FGF9: variants seen among roughly 807,000 people sequenced by gnomAD.
FGF9 encodes the protein fibroblast growth factor 9 (glia-activating factor).
In FGF9, 3 loss-of-function variants were observed where a neutral mutation model predicts 19.9. That is an observed-to-expected ratio of 0.15 (90% CI 0.07 to 0.39). The LOEUF (loss-of-function observed/expected upper bound fraction) is 0.39, where lower values mean the gene tolerates loss of function less well. Ranked by LOEUF, FGF9 falls within the 10% of genes least tolerant of loss-of-function variation. The pLI is 1.00. For synonymous variants in FGF9, 107 were observed against 106.9 expected (o/e 1.00, Z -0.01); for missense variants, 175 against 256.8 (o/e 0.68, Z 2.18).
chr13:21,693,386 G>T (rs1211393026), intron 2 of FGF9, among the ~76,000 whole-genome samples: 1 of 152,062 alleles, frequency 6.6e-6, no homozygotes, highest in African/African-American at 2.4e-5. Context: ...GGACATGGGG[G>T]TGCTGAGGGG....
intron 2 of FGF9, among the ~76,000 whole-genome samples, chr13:21,687,700 T>A (rs959236290): frequency 6.6e-6 from 1 of 152,208 alleles, no homozygotes; most frequent in Non-Finnish European, 1.5e-5. Flanking sequence ...TCTCATCTGA[T>A]CTTCACTTAT....
At chr13:21,679,714 C>T (rs1030740364) in intron 1 of FGF9, among the ~76,000 whole-genome samples, 18 of 147,402 alleles carry the variant, frequency 1.2e-4, no homozygotes, top group African/African-American at 4.0e-4. Context: ...CGAGGCGGGT[C>T]GATCACGAGG....
intron 2 of FGF9, among the ~76,000 whole-genome samples, chr13:21,681,425 T>C (rs1409001569): frequency 6.6e-6 from 1 of 152,218 alleles, no homozygotes; most frequent in Non-Finnish European, 1.5e-5. Context: ...ATCCCATCTC[T>C]TTGTATTGAA....
intron 1 of FGF9, among the ~76,000 whole-genome samples, chr13:21,675,145 C>A (rs567181041): frequency 0.019 from 2,946 of 151,676 alleles, 34 homozygotes; most frequent in Non-Finnish European, 0.028. Context: ...GGCCTGGCGT[C>A]GGCCGAGGGG....
In FGF9 at chr13:21,691,101, G is replaced by T. The variant is rs942257065; in HGVS notation, c.381+9956G>T. On this transcript the variant is annotated intron_variant, in intron 2 of 2. Coordinates refer to ENST00000382353, the MANE Select transcript of FGF9 (RefSeq NM_002010.3). This position sits in a 1 kb window ranked among gnomAD's most constrained non-coding sequence, Gnocchi z 4.2. ...ACCCTGTATTTCCCCCGGGAGCAAT[G>T]GTTCAGTATTCTAGGAGACTTTATA... 6.6e-6 allele frequency among the ~76,000 whole-genome samples: 1 copy of T among 152,146 alleles called. No individual in the cohort carries two copies. The highest frequency in any genetic ancestry group is 1.5e-5 in the Non-Finnish European group (1 of 68,026).
chr13:21,678,795 A>G (rs1871972932), intron 1 of FGF9, among the ~76,000 whole-genome samples: 1 of 152,224 alleles, frequency 6.6e-6, no homozygotes, highest in African/African-American at 2.4e-5. Flanking sequence ...TCAGACCTCA[A>G]AAGGGGCCAA....
chr13:21,690,552 T>C (rs1398102147), intron 2 of FGF9, among the ~76,000 whole-genome samples: 3 of 152,210 alleles, frequency 2.0e-5, no homozygotes, highest in African/African-American at 7.2e-5. Context: ...CTGGGTGCTT[T>C]GTAGGTGCTG....
rs1872569252 is a variant in FGF9, at chr13:21,702,298, A to G, written c.*863A>G. The G allele has an allele frequency of 6.6e-6, 1 of 152,232 alleles. No homozygotes were observed. The highest frequency in any genetic ancestry group is 6.5e-5 in the Admixed American group (1 of 15,286). The allele number at this position is 152,232 out of a possible 1,614,324, so 9.4% of individuals were successfully genotyped here. On this transcript the variant is annotated 3_prime_UTR_variant, in exon 3 of 3. Coordinates refer to ENST00000382353, the MANE Select transcript of FGF9 (RefSeq NM_002010.3). ...CCCATATTATTGTAAACTTATGCAC[A>G]TCGCTCATGACACTGAGTATTCACT...
intron 2 of FGF9, among the ~76,000 whole-genome samples, chr13:21,696,505 C>T (rs1849370110): frequency 1.3e-5 from 2 of 151,302 alleles, no homozygotes; most frequent in South Asian, 4.2e-4. Context: ...AAGAATTGAT[C>T]ACTTTATAGT....
At chr13:21,692,737 A>T (rs951335029) in intron 2 of FGF9, among the ~76,000 whole-genome samples, 1 of 152,216 alleles carries the variant, frequency 6.6e-6, no homozygotes, top group Non-Finnish European at 1.5e-5. Context: ...ACGCACTGAC[A>T]CTGTGTTTCT....
rs773003683 is a variant in FGF9, at chr13:21,681,134, C to A, written c.370C>A (p.Leu124Met). Residue 124 changes from leucine to methionine, a missense_variant, in exon 2 of 3, where the codon CTG (leucine) becomes ATG (methionine). Leu to Met is a conservative substitution (Grantham distance 15). This residue lies in a region of FGF9 where 101 missense variants were observed against 160.7 expected (regional missense o/e 0.63). Transcript: ENST00000382353. ...CCTCGGGATGAATGAGAAGGGGGAG[C>A]TGTATGGATCAGTAAGTACTGGAGG... Reference protein sequence around the residue: ...LYLGMNEKGELYGSEKLTQEC... With the variant: ...LYLGMNEKGEMYGSEKLTQEC... 2 of 1,610,526 alleles carry A rather than the reference C, an allele frequency of 1.2e-6. No individual in the cohort carries two copies. The highest frequency in any genetic ancestry group is 4.5e-5 in the East Asian group (2 of 44,884).
intron 2 of FGF9, among the ~76,000 whole-genome samples, chr13:21,698,841 T>C (rs1265483499): frequency 6.6e-6 from 1 of 152,226 alleles, no homozygotes; most frequent in Non-Finnish European, 1.5e-5. Flanking sequence ...TCTTGTCCCT[T>C]GTAGAACTAA....
In FGF9 at chr13:21,702,115, A is replaced by G. The variant is rs1354468336; in HGVS notation, c.*680A>G. Reference sequence around the variant, plus strand: ...AGTTTATTTTTAATGAAACATGTACAGGCCAGATAGGCATTTTGGAAGCTT... The same window carrying G: ...AGTTTATTTTTAATGAAACATGTACGGGCCAGATAGGCATTTTGGAAGCTT... On this transcript the variant is annotated 3_prime_UTR_variant, in exon 3 of 3. Transcript: ENST00000382353. The G allele has an allele frequency of 6.6e-6, 1 of 152,082 alleles. No individual in the cohort carries two copies. Among genetic ancestry groups the G allele is most frequent in the Non-Finnish European group, 1.5e-5 (1 of 68,018 alleles). 9.4% of individuals were successfully genotyped at this position (152,082 alleles called of 1,614,324 possible).
chr13:21,689,410 G>A (rs989132078), intron 2 of FGF9, among the ~76,000 whole-genome samples: 4 of 151,792 alleles, frequency 2.6e-5, no homozygotes, highest in Non-Finnish European at 1.5e-5. Flanking sequence ...AATGAATGTT[G>A]AACGAATGAA....
chr13:21,695,988 C>T lies in FGF9; in HGVS notation c.382-5202C>T, dbSNP rs112087187. 4.7e-3 allele frequency among the ~76,000 whole-genome samples: 719 copies of T among 152,270 alleles called. 3 individuals are homozygous for T. Among genetic ancestry groups the T allele is most frequent in the African/African-American group, 0.016 (678 of 41,538 alleles). On this transcript the variant is annotated intron_variant, in intron 2 of 2. Transcript: ENST00000382353. ...ATTATGTTTTAAAATAACAGCATGG[C>T]GTAAGTCTATACGTTTTCAATAACT...
chr13:21,673,656 C>T lies in FGF9; in HGVS notation c.277+1467C>T, dbSNP rs146953940. ...ATCTGGCCTCTTTAAGGGCTGCCAC[C>T]CTGCCTAGCGTTCGATACCAGAACA... On this transcript the variant is annotated intron_variant, in intron 1 of 2. Transcript: ENST00000382353. Among the ~76,000 whole-genome samples the T allele has an allele frequency of 2.7e-3, 414 of 152,244 alleles. 1 individual carries two copies. The highest frequency in any genetic ancestry group is 0.01 in the Middle Eastern group (3 of 294).
rs1261706319 is a variant in FGF9 at position 21,703,541 on chromosome 13, A to G, written c.*2106A>G. The G allele has an allele frequency of 5.3e-5, 8 of 152,220 alleles. No homozygotes were observed. The highest frequency in any genetic ancestry group is 1.9e-4 in the African/African-American group (8 of 41,458). The allele number at this position is 152,220 out of a possible 1,614,324, so 9.4% of individuals were successfully genotyped here. A position where few individuals can be genotyped will look rare whatever the true frequency, so the allele number is the denominator to read the frequency against. On this transcript the variant is annotated 3_prime_UTR_variant, in exon 3 of 3. Coordinates refer to ENST00000382353, the MANE Select transcript of FGF9 (RefSeq NM_002010.3). ...ATTTTCCTTTCTAAACAGAAACTGC[A>G]TTTAATTCCAAAAAGTAGTATTCTT...
At chr13:21,689,746 T>A (rs557463059) in intron 2 of FGF9, among the ~76,000 whole-genome samples, 2 of 152,322 alleles carry the variant, frequency 1.3e-5, no homozygotes, top group African/African-American at 4.8e-5. Context: ...TGTCTGTGGC[T>A]TCCTGACAGT....
In FGF9 at chr13:21,671,955, G is replaced by C. The variant is rs997306736; in HGVS notation, c.43G>C (p.Asp15His). 2 of 1,614,050 alleles carry C rather than the reference G, an allele frequency of 1.2e-6. No individual in the cohort carries two copies. The highest frequency in any genetic ancestry group is 1.7e-6 in the Non-Finnish European group (2 of 1,180,036). The change falls in exon 1 of 3, where the codon GAT (aspartate) becomes CAT (histidine). Residue 15 changes from aspartate (D) to histidine (H), a missense_variant. This residue lies in a region of FGF9 where 69 missense variants were observed against 73.6 expected (regional missense o/e 0.94). Coordinates refer to ENST00000382353, the MANE Select transcript of FGF9 (RefSeq NM_002010.3). The stretch of plus-strand genomic sequence containing the variant: ...AGTTGGGAACTATTTCGGTGTGCAG[G>C]ATGCGGTACCGTTTGGGAATGTGCC... ...GEVGNYFGVQ[D>H]AVPFGNVPVL...
Sources: gnomAD v4.1 joint callset for allele counts (sites outside exome capture counted in the v4.1 genomes callset) on GRCh38, gnomAD v4.1.1 for gene constraint, gnomAD v4.1.1 regional missense constraint, Gnocchi (gnomAD v3.1) non-coding constraint, MANE v1.5 for transcripts, NCBI Gene and HGNC (gene_info 2026-07-23, HGNC 2026-07-21) for gene names.